Variants in KPNA5 observed in about 807,000 individuals in gnomAD.
KPNA5 encodes the protein importin subunit alpha-6.
In KPNA5, 46 loss-of-function variants were observed where a neutral mutation model predicts 71.3. That is an observed-to-expected ratio of 0.65 (90% CI 0.51 to 0.83). The LOEUF (loss-of-function observed/expected upper bound fraction) is 0.83, where lower values mean the gene tolerates loss of function less well. Ranked by LOEUF, KPNA5 falls within the 40% of genes least tolerant of loss-of-function variation. The pLI is 0.00. For synonymous variants in KPNA5, 207 were observed against 201.4 expected, an observed-to-expected ratio of 1.03 and a Z score of -0.24; for missense variants, 547 against 628.3, an observed-to-expected ratio of 0.87 and a Z score of 1.38.
In KPNA5 at chr6:116,739,389, G is replaced by A. The variant is rs1779787962; in HGVS notation, c.*7066G>A. 2.0e-5 allele frequency: 3 copies of A among 152,218 alleles called. No homozygotes were observed. Among genetic ancestry groups the A allele is most frequent in the South Asian group, 4.1e-4 (2 of 4,820 alleles). 9.4% of individuals were successfully genotyped at this position (152,218 alleles called of 1,614,324 possible). A position where few individuals can be genotyped will look rare whatever the true frequency, so the allele number is the denominator to read the frequency against. ...GAAGAACATTCCATGCTCATGGGTA[G>A]GAAGAATCAATATCGTGAAAATGGC... On this transcript the variant is annotated 3_prime_UTR_variant, in exon 14 of 14. Transcript: ENST00000368564.
chr6:116,692,539 C>A, intron 4 of KPNA5, 147 bp downstream of exon 4: 1 of 574,164 alleles, frequency 1.7e-6, no homozygotes. Context: ...AAAGTAACAT[C>A]CGTTTTTGAA....
At chr6:116,692,208 A>C in intron 3 of KPNA5, 52 bp downstream of exon 3, 1 of 1,435,968 alleles carries the variant, frequency 7.0e-7, no homozygotes, top group Non-Finnish European at 9.7e-7. Context: ...TTTTAGCAAT[A>C]GTATGTATAA....
intron 2 of KPNA5, among the ~76,000 whole-genome samples, chr6:116,690,797 C>G (rs1208881960): frequency 1.3e-5 from 2 of 152,100 alleles, no homozygotes; most frequent in Non-Finnish European, 2.9e-5. Context: ...TGCTCAGGTC[C>G]TTTATGTAAA....
intron 4 of KPNA5, among the ~76,000 whole-genome samples, chr6:116,692,961 C>T (rs2114380700): frequency 6.6e-6 from 1 of 152,256 alleles, no homozygotes; most frequent in African/African-American, 2.4e-5. Flanking sequence ...GTTCAATTCC[C>T]ACCTATGAGT....
chr6:116,709,440 TC>T (rs2114439800), intron 7 of KPNA5, among the ~76,000 whole-genome samples: 1 of 152,288 alleles, frequency 6.6e-6, no homozygotes, highest in East Asian at 1.9e-4. Context: ...GAGGTCAAGA[TC>T]ATTTGAGGCT....
chr6:116,705,388 T>C (rs1342532662), intron 7 of KPNA5, among the ~76,000 whole-genome samples: 1 of 152,234 alleles, frequency 6.6e-6, no homozygotes, highest in African/African-American at 2.4e-5. Context: ...TGATGCTTAC[T>C]GATCTAAAAT....
At chr6:116,709,906 G>A (rs1468833966) in intron 7 of KPNA5, among the ~76,000 whole-genome samples, 3 of 151,830 alleles carry the variant, frequency 2.0e-5, no homozygotes, top group South Asian at 2.1e-4. Context: ...GACTACAAGC[G>A]TGCACTACCA....
intron 7 of KPNA5, among the ~76,000 whole-genome samples, chr6:116,709,917 C>T (rs1027695555): frequency 4.6e-5 from 7 of 152,032 alleles, no homozygotes; most frequent in Middle Eastern, 3.4e-3. Flanking sequence ...TGCACTACCA[C>T]GCCCAGCTAA....
rs530710631 is a variant in KPNA5 at position 116,705,106 on chromosome 6, A to G, written c.602A>G (p.Asn201Ser). Residue 201 changes from asparagine (N) to serine (S), a missense_variant, in exon 7 of 14, where the codon AAT becomes AGT. Physicochemically the swap from Asn to Ser is conservative, Grantham distance 46. Coordinates refer to ENST00000368564, the MANE Select transcript of KPNA5 (RefSeq NM_001366306.2). ...VWALGNIAGD[N>S]AECRDFVLNC... ...GCACTTGGTAATATTGCTGGTGACA[A>G]TGCAGAATGCAGAGATTTTGTTTTG... 1.4e-4 allele frequency: 230 copies of G among 1,612,972 alleles called. No homozygotes were observed. The South Asian group carries it at 1.6e-3, about 11-fold the overall frequency.
chr6:116,708,408 ATAT>A lies in KPNA5; in HGVS notation c.656+3252_656+3254del, dbSNP rs1303681386. 2.0e-5 allele frequency among the ~76,000 whole-genome samples: 3 copies of A among 152,320 alleles called. No homozygotes were observed. The East Asian group carries it at 5.8e-4, about 29-fold the overall frequency. On this transcript the variant is annotated intron_variant, in intron 7 of 13. Coordinates refer to ENST00000368564, the MANE Select transcript of KPNA5 (RefSeq NM_001366306.2). ...AATTTCTCTATATCATCACCAACACATATTATCTGTTATTCTGATTTAGATCAT... is the reference window on the plus strand; with the variant it reads ...AATTTCTCTATATCATCACCAACACATATCTGTTATTCTGATTTAGATCAT...
At chr6:116,725,043 T>A (rs954749945) in intron 10 of KPNA5, among the ~76,000 whole-genome samples, 5 of 152,224 alleles carry the variant, frequency 3.3e-5, no homozygotes, top group Admixed American at 1.3e-4. Context: ...AAAGGCCTAT[T>A]TGGATACTAA....
rs1413761022 is a variant in KPNA5, at chr6:116,736,806, T to C, written c.*4483T>C. 6.6e-6 allele frequency: 1 copy of C among 152,030 alleles called. No homozygotes were observed. The highest frequency in any genetic ancestry group is 1.5e-5 in the Non-Finnish European group (1 of 67,954). The allele number at this position is 152,030 out of a possible 1,614,324, so 9.4% of individuals were successfully genotyped here. On this transcript the variant is annotated 3_prime_UTR_variant, in exon 14 of 14. Coordinates refer to ENST00000368564, the MANE Select transcript of KPNA5 (RefSeq NM_001366306.2). Reference sequence around the variant, plus strand: ...TTCATTGTTTCGTCTTCAAGTTCACTAATCTTGTCTTCTGCTGTGTCTAAT... The same window carrying C: ...TTCATTGTTTCGTCTTCAAGTTCACCAATCTTGTCTTCTGCTGTGTCTAAT...
intron 7 of KPNA5, among the ~76,000 whole-genome samples, chr6:116,706,346 A>C (rs916665116): frequency 6.6e-6 from 1 of 152,236 alleles, no homozygotes; most frequent in Non-Finnish European, 1.5e-5. Flanking sequence ...AAACTAAAAA[A>C]TAAAACAAAG....
chr6:116,709,730 T>A (rs1363170556), intron 7 of KPNA5, among the ~76,000 whole-genome samples: 1 of 152,098 alleles, frequency 6.6e-6, no homozygotes, highest in Non-Finnish European at 1.5e-5. Context: ...TGGTTTTTGA[T>A]AAATGCCCTT....
Position 116,738,400 on chromosome 6 carries a change from C to G in KPNA5, c.*6077C>G, listed in dbSNP as rs1779745766. 6.6e-6 allele frequency: 1 copy of G among 152,058 alleles called. No individual in the cohort carries two copies. The highest frequency in any genetic ancestry group is 1.9e-4 in the East Asian group (1 of 5,188). 9.4% of individuals were successfully genotyped at this position (152,058 alleles called of 1,614,324 possible). On this transcript the variant is annotated 3_prime_UTR_variant, in exon 14 of 14. Transcript: ENST00000368564. ...AAGAGTCCAGGACCAGATGGATTCA[C>G]AGCTGAATTCTACCAGAGGTACAAG...
chr6:116,700,198 G>A (rs1312410526), intron 5 of KPNA5, among the ~76,000 whole-genome samples: 3 of 152,118 alleles, frequency 2.0e-5, no homozygotes, highest in Non-Finnish European at 4.4e-5. Context: ...TTTGCTGGGC[G>A]TGGTGACTCA....
At chr6:116,729,479 A>AT (rs1779405850) in intron 12 of KPNA5, 84 bp from the exon 13 acceptor site, 2 of 833,468 alleles carry the variant, frequency 2.4e-6, no homozygotes, top group Non-Finnish European at 3.3e-6. Flanking sequence ...TATGAAAAAT[A>AT]TTTTTGTGTC....
chr6:116,686,638 A>G (rs1195978004), intron 1 of KPNA5, among the ~76,000 whole-genome samples: 2 of 152,110 alleles, frequency 1.3e-5, no homozygotes, highest in Admixed American at 1.3e-4. Flanking sequence ...CCAGAATGAT[A>G]TTGCCTAGGT....
rs1486673310 is a variant in KPNA5 at position 116,702,224 on chromosome 6, T to A, written c.567+74T>A. On this transcript the variant is annotated intron_variant, in intron 6 of 13. Coordinates refer to ENST00000368564, the MANE Select transcript of KPNA5 (RefSeq NM_001366306.2). ...TTGAAAGTACCATTTGTAATTACGA[T>A]GTGTAATTCATTTTTGTTTCTAATT... 14 of 1,450,284 alleles carry A rather than the reference T, an allele frequency of 9.7e-6. No homozygotes were observed. In the East Asian group the frequency reaches 3.2e-4, roughly 33 times the overall value. 89.8% of individuals were successfully genotyped at this position (1,450,284 alleles called of 1,614,324 possible).
Sources: allele counts gnomAD v4.1 joint callset (sites outside exome capture counted in the v4.1 genomes callset), GRCh38; gene constraint gnomAD v4.1.1; transcripts MANE v1.5; gene names NCBI Gene and HGNC (gene_info 2026-07-23, HGNC 2026-07-21).